The following NDUFA10 variants were observed in gnomAD, a reference collection of about 807,000 sequenced individuals.
The protein encoded by NDUFA10 is NADH:ubiquinone oxidoreductase subunit A10, also known as NADH dehydrogenase [ubiquinone] 1 alpha subcomplex subunit 10, mitochondrial.
A neutral mutation model predicts 47.8 loss-of-function variants in NDUFA10; 40 were observed. The ratio of observed to expected loss-of-function variants is 0.84; its 90% CI spans 0.65 to 1.09. The LOEUF (loss-of-function observed/expected upper bound fraction) is 1.09, where lower values mean the gene tolerates loss of function less well. NDUFA10 is among the 50% of genes least tolerant of loss of function. The pLI, the probability that NDUFA10 is intolerant of heterozygous loss-of-function variation, is 0.00. For missense variants in NDUFA10, 413 were observed against 451.1 expected (o/e 0.92, Z 0.76); for synonymous variants, 183 against 172.2 (o/e 1.06, Z -0.49).
In NDUFA10 at chr2:239,920,079, A is replaced by C. The variant is rs116306975; in HGVS notation, c.295-24765T>G. ...CATATGTTGAAGCCCTGGTCCCAGC[A>C]TAATGGGATTTGGAGGTGGGGCCTT... On this transcript the variant is annotated intron_variant, in intron 4 of 5. Transcript: ENST00000419408. Among the ~76,000 whole-genome samples the C allele has an allele frequency of 2.9e-3, 440 of 152,300 alleles. 3 individuals carry two copies. Among genetic ancestry groups the C allele is most frequent in the African/African-American group, 9.8e-3 (407 of 41,572 alleles).
intron 9 of NDUFA10, among the ~76,000 whole-genome samples, chr2:239,988,032 T>C (rs115290712): frequency 0.013 from 2,000 of 151,804 alleles, 25 homozygotes; most frequent in African/African-American, 0.037. Context: ...GTAGAAAAAA[T>C]ATAAAACAGT....
Position 239,959,904 on chromosome 2 carries a change from G to C in NDUFA10, c.*1214C>G, listed in dbSNP as rs546735567. 8 of 985,426 alleles carry C rather than the reference G, an allele frequency of 8.1e-6. No individual in the cohort carries two copies. Among genetic ancestry groups the C allele is most frequent in the Non-Finnish European group, 9.6e-6 (8 of 829,928 alleles). 61.0% of individuals were successfully genotyped at this position (985,426 alleles called of 1,614,324 possible). On this transcript the variant is annotated 3_prime_UTR_variant, in exon 10 of 10. Transcript: ENST00000252711. ...GAGGGAAGGAGTGTGCATCTTCTTC[G>C]CATGCTCCGCAGCAGCGAGGCCTGG...
chr2:239,948,319 G>A (rs1233763386), intron 4 of NDUFA10, among the ~76,000 whole-genome samples: 1 of 152,240 alleles, frequency 6.6e-6, no homozygotes, highest in East Asian at 1.9e-4. Context: ...TCAAGGCCCT[G>A]TTCAGAGGCT....
intron 4 of NDUFA10, among the ~76,000 whole-genome samples, chr2:239,941,739 A>G (rs1189393995): frequency 1.3e-5 from 2 of 150,994 alleles, no homozygotes; most frequent in African/African-American, 2.4e-5. Flanking sequence ...AAAAAAAAAG[A>G]AAAAAAGGTT....
At chr2:239,921,153 C>G (rs781312658) in intron 4 of NDUFA10, among the ~76,000 whole-genome samples, 1 of 152,092 alleles carries the variant, frequency 6.6e-6, no homozygotes, top group Non-Finnish European at 1.5e-5. Context: ...AGGTCACAAC[C>G]TGCAGGAACC....
chr2:239,901,072 C>A (rs905334105), intron 4 of NDUFA10, among the ~76,000 whole-genome samples: 4 of 152,202 alleles, frequency 2.6e-5, no homozygotes, highest in Non-Finnish European at 5.9e-5. Context: ...GAAGTCAATG[C>A]AGGGCTTCAA....
rs1206745900 is a variant in NDUFA10 at position 239,960,023 on chromosome 2, G to A, written c.*1095C>T. 2 of 984,342 alleles carry A rather than the reference G, an allele frequency of 2.0e-6. No individual in the cohort carries two copies. Among genetic ancestry groups the A allele is most frequent in the African/African-American group, 1.7e-5 (1 of 57,230 alleles). 61.0% of individuals were successfully genotyped at this position (984,342 alleles called of 1,614,324 possible). ...GTGGAGTGCCTGAACTATGGCCAGT[G>A]CAACCAAGGAACCCAATTTTAAACT... On this transcript the variant is annotated 3_prime_UTR_variant, in exon 10 of 10. Transcript: ENST00000252711.
chr2:239,957,100 C>A (rs1212677554), downstream of NDUFA10, among the ~76,000 whole-genome samples: 1 of 152,222 alleles, frequency 6.6e-6, no homozygotes, highest in African/African-American at 2.4e-5. Flanking sequence ...CAGACACCCC[C>A]CTCCACTGCG....
Position 240,025,265 on chromosome 2 carries a change from C to CGGACGT in NDUFA10, c.31_36dup (p.Thr11_Ser12dup). 6.7e-7 allele frequency: 1 copy of CGGACGT among 1,501,846 alleles called. No individual in the cohort carries two copies. The highest frequency in any genetic ancestry group is 8.9e-7 in the Non-Finnish European group (1 of 1,129,730). The allele number at this position is 1,501,846 out of a possible 1,614,324, so 93.0% of individuals were successfully genotyped here. ...CCCGCCGCCACGACCCGGGCGGACG[C>CGGACGT]GGACGTCGCTGCCAGCTTCAGGAGC... On this transcript the variant is annotated inframe_insertion, in exon 1 of 10. Transcript: ENST00000252711.
intron 9 of NDUFA10, among the ~76,000 whole-genome samples, chr2:239,967,979 T>TACACAC (rs61166045): frequency 0.12 from 17,616 of 147,418 alleles, 1,103 homozygotes; most frequent in South Asian, 0.14. Context: ...GAAAAAAATA[T>TACACAC]ACACACACAC....
intron 4 of NDUFA10, among the ~76,000 whole-genome samples, chr2:239,896,384 C>T (rs565928732): frequency 7.9e-5 from 12 of 152,324 alleles, no homozygotes; most frequent in South Asian, 2.1e-4. Flanking sequence ...TGAGATTGCA[C>T]GCCTGTGAAG....
At chr2:239,955,936 C>A (rs73103621), downstream of NDUFA10, among the ~76,000 whole-genome samples, 1 of 152,076 alleles carries the variant, frequency 6.6e-6, no homozygotes, top group African/African-American at 2.4e-5. Context: ...GGCTCTGTGT[C>A]GAGTCCTCCA....
At chr2:239,996,434 A>G (rs1696483011) in intron 8 of NDUFA10, among the ~76,000 whole-genome samples, 1 of 152,252 alleles carries the variant, frequency 6.6e-6, no homozygotes, top group African/African-American at 2.4e-5. Flanking sequence ...ACACTTCTAA[A>G]TAACATGTGG....
chr2:239,935,501 T>C (rs990113524), intron 4 of NDUFA10, among the ~76,000 whole-genome samples: 4 of 152,248 alleles, frequency 2.6e-5, no homozygotes, highest in Non-Finnish European at 5.9e-5. Flanking sequence ...GCTCAGCTCA[T>C]GGTGCGTAAT....
At chr2:239,955,325 C>T (rs147287660), downstream of NDUFA10, among the ~76,000 whole-genome samples, 324 of 152,260 alleles carry the variant, frequency 2.1e-3, no homozygotes, top group Middle Eastern at 6.8e-3. Context: ...GGTCGCATGA[C>T]CAATGCCGGC....
intron 4 of NDUFA10, among the ~76,000 whole-genome samples, chr2:239,932,447 G>A (rs572531750): frequency 6.6e-6 from 1 of 152,186 alleles, no homozygotes; most frequent in Non-Finnish European, 1.5e-5. Context: ...CCATGACACG[G>A]CACCCCCGCA....
chr2:239,968,782 G>A (rs1034043973), intron 9 of NDUFA10, among the ~76,000 whole-genome samples: 2 of 152,136 alleles, frequency 1.3e-5, no homozygotes, highest in African/African-American at 4.8e-5. Flanking sequence ...AGTTTCCAGG[G>A]AGTTGCAAGC....
At chr2:239,918,097 T>C (rs1693907813) in intron 4 of NDUFA10, among the ~76,000 whole-genome samples, 1 of 152,208 alleles carries the variant, frequency 6.6e-6, no homozygotes, top group Admixed American at 6.5e-5. Flanking sequence ...CTGTCTCTGC[T>C]GCCTGGGCCT....
At chr2:239,924,859 G>C (rs149480929) in intron 4 of NDUFA10, among the ~76,000 whole-genome samples, 1 of 152,026 alleles carries the variant, frequency 6.6e-6, no homozygotes, top group African/African-American at 2.4e-5. Context: ...GTTCATCAAG[G>C]CTGCAGGATA....
Sources: allele counts gnomAD v4.1 joint callset (sites outside exome capture counted in the v4.1 genomes callset), GRCh38; gene constraint gnomAD v4.1.1; transcripts MANE v1.5; gene names NCBI Gene and HGNC (gene_info 2026-07-23, HGNC 2026-07-21).